The following RYR2 variants were observed in gnomAD, a reference collection of about 807,000 sequenced individuals.
RYR2 encodes the protein cardiac muscle ryanodine receptor-calcium release channel.
RYR2 carries 227 observed loss-of-function variants against 601.1 expected under a neutral mutation model. The observed-to-expected ratio is 0.38, with a 90% CI of 0.34 to 0.42. The LOEUF (loss-of-function observed/expected upper bound fraction) is 0.42. RYR2 is among the 10% of genes least tolerant of loss of function. The pLI is 1.00. For missense variants in RYR2, 4,646 were observed against 6,156.5 expected (o/e 0.75, Z 8.21); for synonymous variants, 2,223 against 2,175.1 (o/e 1.02, Z -0.61).
At chr1:237,046,687 A>G (rs192381253) in intron 1 of RYR2, among the ~76,000 whole-genome samples, 125 of 152,326 alleles carry the variant, frequency 8.2e-4, no homozygotes, top group East Asian at 1.7e-3. Flanking sequence ...TTGGCTTCAG[A>G]TAAGTGTTTT....
intron 3 of RYR2, among the ~76,000 whole-genome samples, chr1:237,339,455 G>A (rs759151370): frequency 1.4e-4 from 21 of 151,870 alleles, no homozygotes; most frequent in Non-Finnish European, 2.4e-4. Context: ...TAATATATGA[G>A]TATAAAATAA....
intron 38 of RYR2, 149 bp downstream of exon 38, chr1:237,617,635 A>G (rs1678616622): frequency 2.6e-6 from 2 of 775,746 alleles, no homozygotes; most frequent in Non-Finnish European, 4.0e-6. Context: ...TCTTAGTTTC[A>G]CCAAAAGAAT....
At chr1:237,493,195 G>A in intron 19 of RYR2, 108 bp downstream of exon 19, 1 of 1,225,782 alleles carries the variant, frequency 8.2e-7, no homozygotes, top group Admixed American at 2.1e-5. Context: ...AGACCATATA[G>A]TATTATTTTC....
At chr1:237,806,426 A>T in intron 99 of RYR2, 143 bp downstream of exon 99, 1 of 745,904 alleles carries the variant, frequency 1.3e-6, no homozygotes, top group Non-Finnish European at 2.1e-6. Flanking sequence ...TCTAAACTGC[A>T]GGGATTAGTA....
Position 237,388,168 on chromosome 1 carries a change from G to A in RYR2, c.758G>A (p.Gly253Asp), listed in dbSNP as rs1329210518. 1 of 1,613,766 alleles carries A rather than the reference G, an allele frequency of 6.2e-7. No homozygotes were observed. Among genetic ancestry groups the A allele is most frequent in the Non-Finnish European group, 8.5e-7 (1 of 1,179,814 alleles). The change falls in exon 10 of 105, where the codon GGT (glycine) becomes GAT (aspartate). Residue 253 changes from glycine to aspartate, a missense_variant. This residue lies in a region of RYR2 where 87 missense variants were observed against 144.7 expected (regional missense o/e 0.60). Transcript: ENST00000366574. Reference protein sequence around the residue: ...ECLTVPSGEHGEEQRRTVHYE... With the variant: ...ECLTVPSGEHDEEQRRTVHYE... The stretch of plus-strand genomic sequence containing the variant: ...CTCACTGTCCCTTCAGGAGAACATG[G>A]TGAAGAGCAGCGGAGGTTAGTACCT...
chr1:237,320,236 T>C (rs182530093), intron 2 of RYR2, among the ~76,000 whole-genome samples: 57 of 152,112 alleles, frequency 3.7e-4, no homozygotes, highest in African/African-American at 1.3e-3. Flanking sequence ...TGGGGGGAGG[T>C]GCATATAATT....
intron 94 of RYR2, 44 bp from the exon 95 acceptor site, chr1:237,793,823 A>C: frequency 6.8e-7 from 1 of 1,465,792 alleles, no homozygotes; most frequent in South Asian, 1.2e-5. Context: ...AAGATATGCC[A>C]GTAAATCTAA....
chr1:237,084,975 G>C (rs892718363), intron 1 of RYR2, among the ~76,000 whole-genome samples: 3 of 152,172 alleles, frequency 2.0e-5, no homozygotes, highest in Non-Finnish European at 2.9e-5. Flanking sequence ...TGATAGGAAA[G>C]CACCAAATTC....
At chr1:237,116,431 G>T (rs992411856) in intron 1 of RYR2, among the ~76,000 whole-genome samples, 1 of 152,036 alleles carries the variant, frequency 6.6e-6, no homozygotes, top group African/African-American at 2.4e-5. Context: ...ATAATAGGAG[G>T]TACTCTTATA....
chr1:237,323,529 T>G (rs1558622608), intron 2 of RYR2, among the ~76,000 whole-genome samples: 1 of 152,168 alleles, frequency 6.6e-6, no homozygotes, highest in Non-Finnish European at 1.5e-5. Context: ...TCATTTGAAT[T>G]TTAAAATAAT....
intron 84 of RYR2, among the ~76,000 whole-genome samples, chr1:237,765,386 C>T (rs4091552): frequency 0.02 from 3,012 of 151,968 alleles, 100 homozygotes; most frequent in African/African-American, 0.067. Context: ...GAAGTTGATC[C>T]GATTTCTTAA....
intron 82 of RYR2, among the ~76,000 whole-genome samples, chr1:237,758,051 A>G (rs1354393836): frequency 6.6e-6 from 1 of 152,200 alleles, no homozygotes; most frequent in Non-Finnish European, 1.5e-5. Flanking sequence ...CCACTCTCTC[A>G]CCATGCGTTT....
At position 237,590,728 on chromosome 1, in the gene RYR2, T is replaced by C. The variant is rs772551383; in HGVS notation, c.3896T>C (p.Ile1299Thr). The change falls in exon 31 of 105, where the codon ATC becomes ACC. Residue 1299 changes from isoleucine to threonine, a missense_variant. Transcript: ENST00000366574. The stretch of plus-strand genomic sequence containing the variant: ...GGTTCTCAGAACAGCAACACTGATA[T>C]CATGTTTTATCGCCTGAGCATGCCG... ...SFGSQNSNTD[I>T]MFYRLSMPIE... 1.1e-5 allele frequency: 17 copies of C among 1,612,292 alleles called. No homozygotes were observed. In the African/African-American group the frequency reaches 2.1e-4, roughly 20 times the overall value.
intron 1 of RYR2, among the ~76,000 whole-genome samples, chr1:237,127,817 T>C (rs1188582364): frequency 1.4e-5 from 2 of 141,892 alleles, no homozygotes; most frequent in African/African-American, 2.7e-5. Context: ...CCTCACTTCC[T>C]AGATAGGATG....
chr1:237,355,895 A>G, intron 3 of RYR2, 70 bp from the exon 4 acceptor site: 1 of 1,344,924 alleles, frequency 7.4e-7, no homozygotes. Context: ...AATTCATTTA[A>G]ATGACAGTAA....
chr1:237,573,717 CAGG>C (rs1460716631), intron 29 of RYR2, among the ~76,000 whole-genome samples: 6 of 151,532 alleles, frequency 4.0e-5, no homozygotes, highest in African/African-American at 1.5e-4. Flanking sequence ...GAGGCTGAGG[CAGG>C]AGAATTGCTT....
At chr1:237,346,368 A>C in intron 3 of RYR2, among the ~76,000 whole-genome samples, 1 of 129,752 alleles carries the variant, frequency 7.7e-6, no homozygotes. Flanking sequence ...GGTCTACCTC[A>C]AAAAAAAAAA....
chr1:237,582,190 C>G (rs1673985880), intron 29 of RYR2, among the ~76,000 whole-genome samples: 1 of 152,024 alleles, frequency 6.6e-6, no homozygotes. Flanking sequence ...GCAACCTTCA[C>G]CTCCTGGGTT....
chr1:237,773,065 A>G lies in RYR2; in HGVS notation c.11647-455A>G, dbSNP rs1694395402. ...CAGTTTCCTCAGGGACAGACACAAAAGCCATGGATATCAGCGAGTTCTCAC... is the reference window on the plus strand; with the variant it reads ...CAGTTTCCTCAGGGACAGACACAAAGGCCATGGATATCAGCGAGTTCTCAC... On this transcript the variant is annotated intron_variant, in intron 86 of 104. Coordinates refer to ENST00000366574, the MANE Select transcript of RYR2 (RefSeq NM_001035.3). Among the ~76,000 whole-genome samples the G allele has an allele frequency of 2.0e-5, 3 of 152,200 alleles. No homozygotes were observed. In the South Asian group the frequency reaches 6.2e-4, roughly 31 times the overall value.
Sources: gnomAD v4.1 joint callset for allele counts (sites outside exome capture counted in the v4.1 genomes callset) on GRCh38, gnomAD v4.1.1 for gene constraint, gnomAD v4.1.1 regional missense constraint, MANE v1.5 for transcripts, NCBI Gene and HGNC (gene_info 2026-07-23, HGNC 2026-07-21) for gene names.